COP1: variants seen among roughly 807,000 people sequenced by gnomAD.
COP1 encodes E3 ubiquitin-protein ligase COP1.
In COP1, 24 loss-of-function variants were observed where a neutral mutation model predicts 101.3. The observed-to-expected ratio is 0.24, with a 90% CI of 0.17 to 0.33. The LOEUF (loss-of-function observed/expected upper bound fraction) is 0.33, where lower values mean the gene tolerates loss of function less well. Among genes scored for constraint, COP1 ranks in the 10% least tolerant of loss-of-function variants. The pLI is 1.00. For missense variants in COP1, 663 were observed against 906.2 expected, an observed-to-expected ratio of 0.73 and a Z score of 3.45; for synonymous variants, 347 against 341.9, an observed-to-expected ratio of 1.01 and a Z score of -0.17.
At chr1:176,104,663 G>A (rs73040951) in intron 9 of COP1, among the ~76,000 whole-genome samples, 8,988 of 152,180 alleles carry the variant, frequency 0.059, 600 homozygotes, top group African/African-American at 0.16. Context: ...AAGTCATTCT[G>A]TTAGAGGTGC....
chr1:175,966,891 C>T (rs1198858529), intron 18 of COP1, among the ~76,000 whole-genome samples: 4 of 152,122 alleles, frequency 2.6e-5, no homozygotes, highest in Admixed American at 2.6e-4. Context: ...ATGGCATTGA[C>T]AGGCCAAATT....
At chr1:176,148,872 TA>T (rs1464020423) in intron 6 of COP1, 133 bp downstream of exon 6, 1 of 575,084 alleles carries the variant, frequency 1.7e-6, no homozygotes, top group Non-Finnish European at 3.0e-6. Context: ...TAACAAATCT[TA>T]AGGAAACCTC....
At chr1:175,945,250 A>T in intron 19 of COP1, 80 bp from the exon 20 acceptor site, 1 of 1,045,156 alleles carries the variant, frequency 9.6e-7, no homozygotes, top group Non-Finnish European at 1.4e-6. Context: ...TACTATATTT[A>T]CCAATAGAAA....
At chr1:176,068,561 T>G (rs1314461197) in intron 11 of COP1, among the ~76,000 whole-genome samples, 1 of 152,230 alleles carries the variant, frequency 6.6e-6, no homozygotes, top group Non-Finnish European at 1.5e-5. Flanking sequence ...TTCAAAGGTC[T>G]CATTTCATCT....
chr1:176,089,218 G>C (rs1056888986), intron 9 of COP1, among the ~76,000 whole-genome samples: 2 of 151,822 alleles, frequency 1.3e-5, no homozygotes, highest in Non-Finnish European at 2.9e-5. Flanking sequence ...ACTTGAACCA[G>C]GGCTGCAGGG....
intron 17 of COP1, among the ~76,000 whole-genome samples, chr1:175,987,910 G>A (rs1233361112): frequency 6.6e-6 from 1 of 152,058 alleles, no homozygotes; most frequent in African/African-American, 2.4e-5. Flanking sequence ...CAGCAGATAG[G>A]GGAAAATGAA....
At chr1:176,070,421 G>A (rs981233841) in intron 11 of COP1, among the ~76,000 whole-genome samples, 1 of 150,974 alleles carries the variant, frequency 6.6e-6, no homozygotes, top group Admixed American at 6.6e-5. Flanking sequence ...CCAGCACTTT[G>A]GGAGGCCGAG....
chr1:175,994,312 G>A (rs1203304592), intron 15 of COP1, among the ~76,000 whole-genome samples: 11 of 152,256 alleles, frequency 7.2e-5, no homozygotes, highest in East Asian at 1.9e-4. Flanking sequence ...AAAGCCCATC[G>A]AGGCTAGGAA....
At chr1:176,126,371 T>C (rs900588361) in intron 8 of COP1, among the ~76,000 whole-genome samples, 3 of 152,252 alleles carry the variant, frequency 2.0e-5, no homozygotes, top group Non-Finnish European at 4.4e-5. Context: ...ATGGCTTTTA[T>C]TATGTTGAAG....
At chr1:175,985,512 C>T (rs532358698) in intron 18 of COP1, among the ~76,000 whole-genome samples, 10 of 152,250 alleles carry the variant, frequency 6.6e-5, no homozygotes, top group South Asian at 4.1e-4. Context: ...CTATAATATA[C>T]CCCTGTGGGG....
intron 9 of COP1, among the ~76,000 whole-genome samples, chr1:176,098,124 G>A (rs976473406): frequency 2.0e-5 from 3 of 151,930 alleles, no homozygotes; most frequent in African/African-American, 7.2e-5. Context: ...GCCTTTTTTG[G>A]TTTTTGAGAA....
intron 1 of COP1, among the ~76,000 whole-genome samples, chr1:176,205,922 A>C (rs1700795315): frequency 6.6e-6 from 1 of 152,246 alleles, no homozygotes; most frequent in South Asian, 2.1e-4. Flanking sequence ...TTGGTGGAGA[A>C]GTGAAAAATC....
chr1:176,028,216 G>C (rs1460288829), intron 14 of COP1, among the ~76,000 whole-genome samples: 1 of 152,038 alleles, frequency 6.6e-6, no homozygotes, highest in African/African-American at 2.4e-5. Context: ...CTGAATGACT[G>C]AATAACAGAA....
chr1:176,197,566 CA>C (rs1699830369), intron 1 of COP1, among the ~76,000 whole-genome samples: 1 of 152,104 alleles, frequency 6.6e-6, no homozygotes, highest in Non-Finnish European at 1.5e-5. Context: ...CCAAGCAAAC[CA>C]ATACACTGTG....
intron 18 of COP1, 100 bp from the exon 19 acceptor site, chr1:175,947,339 CT>C (rs1232657522): frequency 1.5e-5 from 12 of 808,844 alleles, no homozygotes; most frequent in Non-Finnish European, 2.3e-5. Flanking sequence ...ACTTCAATTC[CT>C]AAGACAATTG....
chr1:176,020,338 T>C (rs1170941954), intron 15 of COP1, among the ~76,000 whole-genome samples: 2 of 146,944 alleles, frequency 1.4e-5, no homozygotes, highest in Admixed American at 6.8e-5. Flanking sequence ...AAAACCTTCA[T>C]ACTCACTAAC....
chr1:176,007,281 T>C (rs1408142849), intron 15 of COP1, among the ~76,000 whole-genome samples: 1 of 152,184 alleles, frequency 6.6e-6, no homozygotes, highest in African/African-American at 2.4e-5. Flanking sequence ...TCTTTGCCTT[T>C]GGTTTGCATG....
Position 176,108,841 on chromosome 1 carries a change from C to T in COP1, c.1026+7783G>A, listed in dbSNP as rs900849379. On this transcript the variant is annotated intron_variant, in intron 9 of 19. Coordinates refer to ENST00000367669, the MANE Select transcript of COP1 (RefSeq NM_022457.7). ...TTAAAAAGATAAAATTGGCCTGGAG[C>T]GGTGGCTCATGCCTCTAATCCCAGC... Among the ~76,000 whole-genome samples the T allele has an allele frequency of 5.9e-5, 9 of 152,186 alleles. No individual in the cohort carries two copies. In the South Asian group the frequency reaches 1.2e-3, roughly 21 times the overall value.
At chr1:175,954,650 C>T (rs1650386169) in intron 18 of COP1, among the ~76,000 whole-genome samples, 1 of 151,718 alleles carries the variant, frequency 6.6e-6, no homozygotes, top group Non-Finnish European at 1.5e-5. Context: ...ATGAAATGAA[C>T]AAATTCTATG....
Sources: allele counts gnomAD v4.1 joint callset (sites outside exome capture counted in the v4.1 genomes callset), GRCh38; gene constraint gnomAD v4.1.1; transcripts MANE v1.5; gene names NCBI Gene and HGNC (gene_info 2026-07-23, HGNC 2026-07-21).